Variants in ERCC8 observed in about 807,000 individuals in gnomAD.
ERCC8 encodes the protein DNA excision repair protein ERCC-8.
A neutral mutation model predicts 54.9 loss-of-function variants in ERCC8; 52 were observed. That is an observed-to-expected ratio of 0.95 (90% CI 0.76 to 1.19). ERCC8 has a LOEUF of 1.19. Among genes scored for constraint, ERCC8 ranks in the 50% most tolerant of loss-of-function variants. The pLI is 0.00. For missense variants in ERCC8, 514 were observed against 466.1 expected (o/e 1.10, Z -0.95); for synonymous variants, 146 against 157.2 (o/e 0.93, Z 0.53).
At chr5:60,939,050 T>C (rs1750177138) in intron 1 of ERCC8, among the ~76,000 whole-genome samples, 1 of 152,232 alleles carries the variant, frequency 6.6e-6, no homozygotes, top group African/African-American at 2.4e-5. Context: ...TGCTTCTTAA[T>C]GGAAGAAATC....
chr5:60,898,447 C>T, intron 8 of ERCC8, 47 bp from the exon 9 acceptor site: 1 of 1,606,504 alleles, frequency 6.2e-7, no homozygotes, highest in South Asian at 1.1e-5. Flanking sequence ...GTATTCAGGA[C>T]ATATTTAATG....
At position 60,868,426 on chromosome 5, in the gene ERCC8, C is replaced by G. The variant is rs544819841; in HGVS notation, c.*6189G>C. Among the ~76,000 whole-genome samples, 1 of 152,096 alleles carries G rather than the reference C, an allele frequency of 6.6e-6. No homozygotes were observed. The highest frequency in any genetic ancestry group is 2.1e-4 in the South Asian group (1 of 4,834). On this transcript the variant is annotated 3_prime_UTR_variant, in exon 12 of 12. Transcript: ENST00000676185. Reference sequence around the variant, plus strand: ...TGGTCAGTCAAGAGGACATTGGGCACCTGAAAAGTCCTACACACAGAGAAC... The same window carrying G: ...TGGTCAGTCAAGAGGACATTGGGCAGCTGAAAAGTCCTACACACAGAGAAC...
intron 11 of ERCC8, 127 bp downstream of exon 11, chr5:60,887,313 G>C: frequency 1.3e-6 from 1 of 799,906 alleles, no homozygotes; most frequent in African/African-American, 1.7e-5. Flanking sequence ...CAGTCTCCCA[G>C]GTACCTGGGA....
At chr5:60,885,235 A>G (rs1748362383) in intron 11 of ERCC8, among the ~76,000 whole-genome samples, 1 of 152,002 alleles carries the variant, frequency 6.6e-6, no homozygotes, top group Non-Finnish European at 1.5e-5. Flanking sequence ...GCTGGTCTTG[A>G]ACTCCTGGAC....
At chr5:60,924,307 G>A (rs1457995688) in intron 2 of ERCC8, 1 of 152,572 alleles carries the variant, frequency 6.6e-6, no homozygotes, top group Non-Finnish European at 1.5e-5. Flanking sequence ...TCCTTAAGTT[G>A]CTGTCTCTCT....
At chr5:60,888,339 T>G (rs1290733536) in intron 10 of ERCC8, among the ~76,000 whole-genome samples, 16 of 152,206 alleles carry the variant, frequency 1.1e-4, no homozygotes. Context: ...AAACAAAATT[T>G]TGTTGACTGT....
At chr5:60,935,091 T>C (rs1297002331) in intron 1 of ERCC8, among the ~76,000 whole-genome samples, 1 of 152,172 alleles carries the variant, frequency 6.6e-6, no homozygotes, top group African/African-American at 2.4e-5. Flanking sequence ...TGGTATTTGA[T>C]GGAAGTTGCA....
chr5:60,876,072 C>A (rs1747996192), intron 11 of ERCC8, among the ~76,000 whole-genome samples: 1 of 151,638 alleles, frequency 6.6e-6, no homozygotes, highest in Non-Finnish European at 1.5e-5. Flanking sequence ...TGTTCCCCTT[C>A]CTGTGTCGAA....
intron 10 of ERCC8, 144 bp from the exon 11 acceptor site, chr5:60,887,664 T>C: frequency 1.5e-6 from 1 of 678,432 alleles, no homozygotes; most frequent in Admixed American, 2.4e-5. Context: ...CCAATGCTGT[T>C]TTTCCTTTGT....
rs774472045 is a variant in ERCC8 at position 60,928,870 on chromosome 5, C to T, written c.167G>A (p.Gly56Glu). ...INTLDIEPVE[G>E]RYMLSGGSDG... ...ACAAGTATAATAAACTTACTATCTC[C>T]CTTCAACAGGTTCAATGTCAAGGGT... The change falls in exon 2 of 12, where the codon GGG becomes GAG. Residue 56 changes from glycine (G) to glutamate (E), a missense_variant. Coordinates refer to ENST00000676185, the MANE Select transcript of ERCC8 (RefSeq NM_000082.4). 6.4e-7 allele frequency: 1 copy of T among 1,574,164 alleles called. No individual in the cohort carries two copies. Among genetic ancestry groups the T allele is most frequent in the Non-Finnish European group, 8.7e-7 (1 of 1,145,216 alleles).
intron 2 of ERCC8, among the ~76,000 whole-genome samples, chr5:60,925,460 A>G (rs549113524): frequency 6.6e-6 from 1 of 152,290 alleles, no homozygotes; most frequent in South Asian, 2.1e-4. Context: ...TTCTGGTCTT[A>G]CCATGGGCCA....
chr5:60,938,056 T>C (rs1393632107), intron 1 of ERCC8, among the ~76,000 whole-genome samples: 78 of 14,940 alleles, frequency 5.2e-3, no homozygotes, highest in Non-Finnish European at 4.8e-3. Flanking sequence ...TACATATATA[T>C]ATATATATAT....
intron 1 of ERCC8, among the ~76,000 whole-genome samples, chr5:60,930,556 TAAAAAC>T (rs4647057): frequency 2.0e-5 from 3 of 150,096 alleles, no homozygotes; most frequent in Admixed American, 6.6e-5. Flanking sequence ...AGACTCCGTC[TAAAAAC>T]AAAAACAAAA....
At position 60,870,981 on chromosome 5, in the gene ERCC8, C is replaced by A. The variant is rs74424641; in HGVS notation, c.*3634G>T. 0.077 allele frequency among the ~76,000 whole-genome samples: 11,652 copies of A among 152,142 alleles called. 601 individuals carry two copies. Among genetic ancestry groups the A allele is most frequent in the Non-Finnish European group, 0.11 (7,792 of 67,972 alleles). ...GAATTCCCTACAAAGGGAAAAAAAA[C>A]CAAAGTGGCTTTGGAATTCTCAACT... is the stretch of plus-strand genomic sequence containing the variant. On this transcript the variant is annotated 3_prime_UTR_variant, in exon 12 of 12. Coordinates refer to ENST00000676185, the MANE Select transcript of ERCC8 (RefSeq NM_000082.4).
chr5:60,913,660 C>T (rs1352501446), intron 4 of ERCC8, among the ~76,000 whole-genome samples: 1 of 152,016 alleles, frequency 6.6e-6, no homozygotes, highest in Non-Finnish European at 1.5e-5. Context: ...GCTCTTGCTT[C>T]TCTAGTTCTT....
intron 4 of ERCC8, among the ~76,000 whole-genome samples, chr5:60,912,809 T>G (rs1339895172): frequency 2.0e-5 from 3 of 152,170 alleles, no homozygotes; most frequent in East Asian, 3.8e-4. Context: ...GAAGGGCTGT[T>G]GCATTTTGTC....
chr5:60,926,781 C>T (rs1224807379), intron 2 of ERCC8, among the ~76,000 whole-genome samples: 1 of 152,144 alleles, frequency 6.6e-6, no homozygotes, highest in African/African-American at 2.4e-5. Context: ...TGAAACGTTG[C>T]TTTTCTTGCC....
chr5:60,909,410 G>C (rs895925789), intron 4 of ERCC8, among the ~76,000 whole-genome samples: 1 of 151,840 alleles, frequency 6.6e-6, no homozygotes, highest in South Asian at 2.1e-4. Flanking sequence ...CAAAAATTAC[G>C]ATGTATTTCC....
intron 1 of ERCC8, among the ~76,000 whole-genome samples, chr5:60,942,935 T>A (rs1750306054): frequency 6.6e-6 from 1 of 152,188 alleles, no homozygotes; most frequent in Non-Finnish European, 1.5e-5. Flanking sequence ...TGGAACTATA[T>A]AATTGTTTAA....
Sources: gnomAD v4.1 joint callset for allele counts (sites outside exome capture counted in the v4.1 genomes callset) on GRCh38, gnomAD v4.1.1 for gene constraint, MANE v1.5 for transcripts, NCBI Gene and HGNC (gene_info 2026-07-23, HGNC 2026-07-21) for gene names.